Variants in TTC29 observed in about 807,000 individuals in gnomAD.
The protein encoded by TTC29 is tetratricopeptide repeat protein 29.
TTC29 carries 49 observed loss-of-function variants against 58.1 expected under a neutral mutation model. That is an observed-to-expected ratio of 0.84 (90% CI 0.67 to 1.07). TTC29 has a LOEUF of 1.07. TTC29 is among the 50% of genes least tolerant of loss of function. TTC29 has a pLI of 0.00. For synonymous variants in TTC29, 209 were observed against 196.8 expected, an observed-to-expected ratio of 1.06 and a Z score of -0.52; for missense variants, 582 against 555.6, an observed-to-expected ratio of 1.05 and a Z score of -0.48.
intron 4 of TTC29, among the ~76,000 whole-genome samples, chr4:146,927,850 G>T (rs563708342): frequency 6.6e-6 from 1 of 152,242 alleles, no homozygotes; most frequent in South Asian, 2.1e-4. Flanking sequence ...AGGCTATGAA[G>T]GGGTAAAAGA....
At chr4:146,767,746 G>A (rs961990407) in intron 11 of TTC29, among the ~76,000 whole-genome samples, 1 of 151,994 alleles carries the variant, frequency 6.6e-6, no homozygotes, top group African/African-American at 2.4e-5. Context: ...TGCAGTATTT[G>A]TTCTACTTCA....
At chr4:146,854,223 A>G (rs1729692263) in intron 8 of TTC29, among the ~76,000 whole-genome samples, 1 of 151,988 alleles carries the variant, frequency 6.6e-6, no homozygotes, top group Non-Finnish European at 1.5e-5. Context: ...CCACATCTCA[A>G]AGTCAGCTTC....
At chr4:146,823,750 ATTTG>A (rs1751995892) in intron 9 of TTC29, among the ~76,000 whole-genome samples, 1 of 152,032 alleles carries the variant, frequency 6.6e-6, no homozygotes, top group African/African-American at 2.4e-5. Flanking sequence ...ATGTTTCTCC[ATTTG>A]TTTGTTTTCT....
intron 6 of TTC29, among the ~76,000 whole-genome samples, chr4:146,901,045 G>T (rs1395550978): frequency 6.6e-6 from 1 of 151,776 alleles, no homozygotes; most frequent in Non-Finnish European, 1.5e-5. Context: ...TTTGGTGGGG[G>T]GGTCAGTAAC....
chr4:146,919,598 A>G (rs913125666), intron 4 of TTC29, among the ~76,000 whole-genome samples: 1 of 151,092 alleles, frequency 6.6e-6, no homozygotes, highest in Non-Finnish European at 1.5e-5. Context: ...ATAGAATATG[A>G]TATTCACTCT....
intron 2 of TTC29, among the ~76,000 whole-genome samples, chr4:146,941,193 G>A (rs1236573364): frequency 6.6e-6 from 1 of 152,154 alleles, no homozygotes; most frequent in East Asian, 1.9e-4. Context: ...CATCCAAAAG[G>A]CCAGGGGCTC....
chr4:146,873,813 T>C (rs1731085104), intron 7 of TTC29, among the ~76,000 whole-genome samples: 1 of 152,158 alleles, frequency 6.6e-6, no homozygotes, highest in African/African-American at 2.4e-5. Flanking sequence ...TTTAGTAAAT[T>C]AAAATTACAC....
intron 11 of TTC29, among the ~76,000 whole-genome samples, chr4:146,734,680 GA>G (rs942325704): frequency 4.0e-5 from 6 of 151,846 alleles, no homozygotes; most frequent in African/African-American, 1.5e-4. Flanking sequence ...GGTGTATGGG[GA>G]AAAAAACCAA....
intron 11 of TTC29, among the ~76,000 whole-genome samples, chr4:146,768,644 GA>G (rs902095548): frequency 6.6e-6 from 1 of 151,696 alleles, no homozygotes; most frequent in Non-Finnish European, 1.5e-5. Context: ...TGTTGTGCCT[GA>G]AAAAAAATGC....
chr4:146,766,465 G>A (rs1302666198), intron 11 of TTC29, among the ~76,000 whole-genome samples: 2 of 152,044 alleles, frequency 1.3e-5, no homozygotes, highest in Non-Finnish European at 2.9e-5. Context: ...GGTGAAAGCA[G>A]CTTTATTGTC....
intron 11 of TTC29, among the ~76,000 whole-genome samples, chr4:146,719,812 A>C (rs1287172530): frequency 6.6e-6 from 1 of 152,080 alleles, no homozygotes; most frequent in Non-Finnish European, 1.5e-5. Context: ...CCCCTAATGG[A>C]TTCAGCTTCA....
chr4:146,742,356 C>G lies in TTC29; in HGVS notation c.1331-34805G>C, dbSNP rs758495050. Among the ~76,000 whole-genome samples the G allele has an allele frequency of 3.9e-4, 60 of 152,130 alleles. 1 individual carries two copies. The highest frequency in any genetic ancestry group is 1.2e-3 in the Admixed American group (18 of 15,272). On this transcript the variant is annotated intron_variant, in intron 11 of 12. Transcript: ENST00000325106. ...TTGGAGTAGCAAAAGAACTGTATTG[C>G]AGGGGGCTAACAAAGAACTCTAGAG...
At chr4:146,823,620 T>C (rs952832101) in intron 9 of TTC29, among the ~76,000 whole-genome samples, 1 of 152,210 alleles carries the variant, frequency 6.6e-6, no homozygotes, top group Non-Finnish European at 1.5e-5. Context: ...TAAAATAGTT[T>C]TCTCTAATTC....
intron 11 of TTC29, among the ~76,000 whole-genome samples, chr4:146,761,342 C>T (rs1457653117): frequency 6.6e-6 from 1 of 151,964 alleles, no homozygotes; most frequent in Non-Finnish European, 1.5e-5. Flanking sequence ...GGAAGTAACC[C>T]TGAATTCCAC....
chr4:146,714,430 C>A (rs1263934832), intron 11 of TTC29, among the ~76,000 whole-genome samples: 1 of 151,846 alleles, frequency 6.6e-6, no homozygotes, highest in Non-Finnish European at 1.5e-5. Flanking sequence ...CAGCTTTAAG[C>A]AGCCTAATAG....
intron 4 of TTC29, among the ~76,000 whole-genome samples, chr4:146,936,164 T>C (rs1432987407): frequency 6.6e-6 from 1 of 152,174 alleles, no homozygotes; most frequent in African/African-American, 2.4e-5. Context: ...AATAGTGTAA[T>C]GATGAATTTG....
intron 11 of TTC29, among the ~76,000 whole-genome samples, chr4:146,801,143 T>C (rs1347013705): frequency 2.6e-5 from 4 of 152,198 alleles, no homozygotes; most frequent in Non-Finnish European, 2.9e-5. Flanking sequence ...GAAGCTTGTA[T>C]TTAATGAACA....
chr4:146,859,184 A>C (rs904894777), intron 8 of TTC29, among the ~76,000 whole-genome samples: 1 of 152,154 alleles, frequency 6.6e-6, no homozygotes, highest in African/African-American at 2.4e-5. Flanking sequence ...TTCAAACTAC[A>C]GATAGAATAA....
chr4:146,773,203 T>A (rs1747857087), intron 11 of TTC29, among the ~76,000 whole-genome samples: 1 of 152,062 alleles, frequency 6.6e-6, no homozygotes, highest in Admixed American at 6.6e-5. Flanking sequence ...TTTGGATGAA[T>A]TTTATTTCTT....
Sources: gnomAD v4.1 joint callset for allele counts (sites outside exome capture counted in the v4.1 genomes callset) on GRCh38, gnomAD v4.1.1 for gene constraint, MANE v1.5 for transcripts, NCBI Gene and HGNC (gene_info 2026-07-23, HGNC 2026-07-21) for gene names.